The following DGKB variants were observed in gnomAD, a reference collection of about 807,000 sequenced individuals.
DGKB encodes diacylglycerol kinase beta, also known as 90 kDa diacylglycerol kinase.
In DGKB, 67 loss-of-function variants were observed where a neutral mutation model predicts 114.3. The observed-to-expected ratio is 0.59, with a 90% confidence interval of 0.48 to 0.72. The LOEUF (loss-of-function observed/expected upper bound fraction) is 0.72, where lower values mean the gene tolerates loss of function less well. Among genes scored for constraint, DGKB ranks in the 30% least tolerant of loss-of-function variants. The pLI is 0.00. For missense variants in DGKB, 907 were observed against 975.2 expected, an observed-to-expected ratio of 0.93 and a Z score of 0.93; for synonymous variants, 398 against 323.1, an observed-to-expected ratio of 1.23 and a Z score of -2.49.
intron 21 of DGKB, among the ~76,000 whole-genome samples, chr7:14,408,690 T>A (rs974188246): frequency 6.6e-6 from 1 of 152,150 alleles, no homozygotes; most frequent in African/African-American, 2.4e-5. Flanking sequence ...CTTTACTTGA[T>A]AATGAATCCA....
intron 23 of DGKB, among the ~76,000 whole-genome samples, chr7:14,239,187 T>C (rs1460396072): frequency 6.6e-6 from 1 of 152,080 alleles, no homozygotes; most frequent in Non-Finnish European, 1.5e-5. Flanking sequence ...CATCTTTTGT[T>C]TCCATGGGTT....
At chr7:14,568,757 T>C (rs1051439257) in intron 20 of DGKB, among the ~76,000 whole-genome samples, 1 of 152,242 alleles carries the variant, frequency 6.6e-6, no homozygotes, top group Non-Finnish European at 1.5e-5. Context: ...TACATATTTC[T>C]GACCTCGGGC....
At position 14,446,569 on chromosome 7, in the gene DGKB, T is replaced by G. The variant is rs1189476664; in HGVS notation, c.1835+31592A>C. On this transcript the variant is annotated intron_variant, in intron 21 of 25. Transcript: ENST00000402815. Reference sequence around the variant, plus strand: ...CTAAACCTTGACTTATGATCACATTTTTGAATGGTAATGTACTCAACAAAA... The same window carrying G: ...CTAAACCTTGACTTATGATCACATTGTTGAATGGTAATGTACTCAACAAAA... Among the ~76,000 whole-genome samples, 7 of 152,160 alleles carry G rather than the reference T, an allele frequency of 4.6e-5. No homozygotes were observed. In the East Asian group the frequency reaches 1.3e-3, roughly 29 times the overall value.
At chr7:14,749,760 G>C (rs1442256746) in intron 4 of DGKB, among the ~76,000 whole-genome samples, 1 of 151,900 alleles carries the variant, frequency 6.6e-6, no homozygotes, top group Non-Finnish European at 1.5e-5. Context: ...TTTTCTCCTT[G>C]AAAAATAAAA....
At chr7:14,785,415 T>C (rs1020731432) in intron 2 of DGKB, among the ~76,000 whole-genome samples, 16 of 152,150 alleles carry the variant, frequency 1.1e-4, no homozygotes, top group African/African-American at 3.9e-4. Context: ...TATAGATTAG[T>C]TCATCAAAAT....
intron 13 of DGKB, among the ~76,000 whole-genome samples, chr7:14,667,132 G>C (rs1220822486): frequency 6.6e-6 from 1 of 151,982 alleles, no homozygotes; most frequent in Non-Finnish European, 1.5e-5. Flanking sequence ...CTAATCTCTG[G>C]AAATGGTGAG....
At position 14,347,667 on chromosome 7, in the gene DGKB, A is replaced by C. The variant is rs78790845; in HGVS notation, c.1836-2276T>G. Among the ~76,000 whole-genome samples the C allele has an allele frequency of 9.6e-3, 1,463 of 152,126 alleles. 22 individuals are homozygous for C. The highest frequency in any genetic ancestry group is 0.034 in the African/African-American group (1,417 of 41,528). ...TCAAAGGATGCAAACTTACAGTTAT[A>C]AGATAAGTAAGTTTTGGAGACCTAA... is the stretch of plus-strand genomic sequence containing the variant. On this transcript the variant is annotated intron_variant, in intron 21 of 25. Transcript: ENST00000402815.
rs1463141725 is a variant in DGKB at position 14,729,123 on chromosome 7, C to CTTTCTTTTTTTTTTTT, written c.322+6917_322+6918insAAAAAAAAAAAAGAAA. On this transcript the variant is annotated intron_variant, in intron 5 of 25. Transcript: ENST00000402815. ...AATGGAAACGGGTTTCATTTTCTTT[C>CTTTCTTTTTTTTTTTT]TTTTTTTTTTTTTTTTTTTGATGGA... Among the ~76,000 whole-genome samples the CTTTCTTTTTTTTTTTT allele has an allele frequency of 6.2e-5, 7 of 113,372 alleles. 1 individual carries two copies. Among genetic ancestry groups the CTTTCTTTTTTTTTTTT allele is most frequent in the African/African-American group, 1.5e-4 (4 of 27,446 alleles). The allele number at this position is 113,372 out of a possible 152,430, so 74.4% of individuals were successfully genotyped here. A position where few individuals can be genotyped will look rare whatever the true frequency, so the allele number is the denominator to read the frequency against.
intron 2 of DGKB, among the ~76,000 whole-genome samples, chr7:14,783,855 A>G (rs1322873846): frequency 6.6e-6 from 1 of 152,236 alleles, no homozygotes; most frequent in East Asian, 1.9e-4. Flanking sequence ...GATCTTTTTC[A>G]TAGTAAGTAA....
At chr7:14,837,502 T>C (rs774449239) in intron 2 of DGKB, among the ~76,000 whole-genome samples, 1 of 152,218 alleles carries the variant, frequency 6.6e-6, no homozygotes, top group Non-Finnish European at 1.5e-5. Context: ...ATTTGATATA[T>C]ACCAAATATA....
At chr7:14,739,007 T>C (rs1832150604) in intron 4 of DGKB, among the ~76,000 whole-genome samples, 1 of 152,230 alleles carries the variant, frequency 6.6e-6, no homozygotes, top group African/African-American at 2.4e-5. Context: ...ATTTATCTGC[T>C]CTTTTGAAGG....
chr7:14,423,481 T>C (rs1827036866), intron 21 of DGKB, among the ~76,000 whole-genome samples: 1 of 152,072 alleles, frequency 6.6e-6, no homozygotes, highest in East Asian at 1.9e-4. Context: ...TCAAATATCA[T>C]CTGGTTTATA....
intron 21 of DGKB, among the ~76,000 whole-genome samples, chr7:14,456,888 T>C (rs1014099542): frequency 9.2e-5 from 14 of 152,236 alleles, no homozygotes; most frequent in African/African-American, 2.9e-4. Context: ...GTTTGTCACT[T>C]GCTTAAATAA....
intron 21 of DGKB, among the ~76,000 whole-genome samples, chr7:14,373,422 G>A (rs561016463): frequency 6.6e-6 from 1 of 152,226 alleles, no homozygotes; most frequent in Non-Finnish European, 1.5e-5. Flanking sequence ...ACAGAAAGAT[G>A]CCATCATAAA....
At chr7:14,651,312 G>T (rs1338396300) in intron 13 of DGKB, among the ~76,000 whole-genome samples, 2 of 151,944 alleles carry the variant, frequency 1.3e-5, no homozygotes, top group Non-Finnish European at 2.9e-5. Flanking sequence ...GATCAAGTGG[G>T]CTTCATCCCT....
chr7:14,265,722 T>C (rs1797414093), intron 23 of DGKB, among the ~76,000 whole-genome samples: 1 of 152,196 alleles, frequency 6.6e-6, no homozygotes, highest in Non-Finnish European at 1.5e-5. Context: ...TGTTTTTCAA[T>C]ATACCCTCAT....
At chr7:14,755,411 T>C (rs1051159847) in intron 3 of DGKB, among the ~76,000 whole-genome samples, 2 of 152,148 alleles carry the variant, frequency 1.3e-5, no homozygotes, top group Non-Finnish European at 2.9e-5. Flanking sequence ...TTTTTGCAAA[T>C]ACATTTTATG....
intron 21 of DGKB, among the ~76,000 whole-genome samples, chr7:14,421,447 A>C (rs1826680994): frequency 6.6e-6 from 1 of 152,112 alleles, no homozygotes; most frequent in Non-Finnish European, 1.5e-5. Flanking sequence ...GTAAACTGTA[A>C]ACTAATATGT....
intron 21 of DGKB, among the ~76,000 whole-genome samples, chr7:14,419,493 A>T (rs1254374765): frequency 6.6e-6 from 1 of 151,892 alleles, no homozygotes; most frequent in African/African-American, 2.4e-5. Context: ...ATGATTATCT[A>T]TTTGTTTATA....
Sources: gnomAD v4.1 joint callset for allele counts (sites outside exome capture counted in the v4.1 genomes callset) on GRCh38, gnomAD v4.1.1 for gene constraint, MANE v1.5 for transcripts, NCBI Gene and HGNC (gene_info 2026-07-23, HGNC 2026-07-21) for gene names.